KDM5D: variants seen among roughly 807,000 people sequenced by gnomAD.
KDM5D encodes lysine demethylase 5D.
Under a neutral mutation model 31.9 loss-of-function variants are expected in KDM5D, and 25 were observed. The ratio of observed to expected loss-of-function variants is 0.78; its 90% CI spans 0.57 to 1.09. The LOEUF is 1.09. Ranked by LOEUF, KDM5D falls within the 50% of genes least tolerant of loss-of-function variation. The pLI, the probability that KDM5D is intolerant of heterozygous loss-of-function variation, is 0.00. For missense variants in KDM5D, 366 were observed against 341.6 expected (o/e 1.07, Z -0.56); for synonymous variants, 146 against 122.3 (o/e 1.19, Z -1.28).
intron 11 of KDM5D, chrY:19,723,406 G>A (rs2124197658): frequency 2.3e-5 from 2 of 86,157 alleles, no homozygotes; most frequent in Admixed American, 3.3e-4. Context: ...CTTGAGATCA[G>A]CCTGGTCAAC....
At chrY:19,728,781 A>G in intron 11 of KDM5D, among the ~76,000 whole-genome samples, 1 of 33,860 alleles carries the variant, frequency 3.0e-5, no homozygotes, top group Non-Finnish European at 7.3e-5. Flanking sequence ...CAAAAACAGC[A>G]TCCATTTTGT....
chrY:19,738,657 G>C, intron 6 of KDM5D, among the ~76,000 whole-genome samples: 1 of 33,532 alleles, frequency 3.0e-5, no homozygotes, highest in African/African-American at 1.2e-4. Context: ...GTCCTCCCAG[G>C]GTTAGCTACT....
chrY:19,711,169 G>T, intron 18 of KDM5D, among the ~76,000 whole-genome samples: 1 of 33,267 alleles, frequency 3.0e-5, no homozygotes, highest in East Asian at 8.0e-4. Context: ...AAGAGGCCAG[G>T]AAGTTAAATG....
At chrY:19,743,962 T>C (rs2045578332) in intron 2 of KDM5D, among the ~76,000 whole-genome samples, 1 of 33,709 alleles carries the variant, frequency 3.0e-5, no homozygotes, top group Non-Finnish European at 7.3e-5. Context: ...TTATTTGCTA[T>C]ATTTGCTACA....
chrY:19,711,015 GTGA>G (rs2045294506), intron 18 of KDM5D, among the ~76,000 whole-genome samples: 1 of 33,634 alleles, frequency 3.0e-5, no homozygotes, highest in Non-Finnish European at 7.4e-5. Flanking sequence ...GGAGGGCTAA[GTGA>G]TGATAAGTAT....
intron 11 of KDM5D, chrY:19,722,035 A>G (rs2045398650): frequency 3.0e-5 from 1 of 33,674 alleles, no homozygotes; most frequent in African/African-American, 1.2e-4. Flanking sequence ...TTAAATTGAT[A>G]TGGAACCCCA....
At chrY:19,719,149 G>A (rs1234423211) in intron 13 of KDM5D, among the ~76,000 whole-genome samples, 1 of 29,231 alleles carries the variant, frequency 3.4e-5, no homozygotes, top group African/African-American at 1.4e-4. Context: ...CAGCCTGGGC[G>A]ACAGAGCGAG....
chrY:19,739,529 T>A lies in KDM5D; in HGVS notation c.656A>T (p.Asp219Val). The change falls in exon 6 of 27, where the codon GAT (aspartate) becomes GTT (valine). Residue 219 changes from aspartate to valine, a missense_variant and splice_region_variant. Physicochemically the swap from Asp to Val is radical, Grantham distance 152. Coordinates refer to ENST00000317961, the MANE Select transcript of KDM5D (RefSeq NM_004653.5). ...ATAACAGGAGTAACAGTCACTCACA[T>A]CAGGCTGTAGCCTTTTTGCCCGTCG... ...YSRRAKRLQP[D>V]PEPTEEDIEK... 5.1e-6 allele frequency: 2 copies of A among 392,730 alleles called. No homozygotes were observed. The highest frequency in any genetic ancestry group is 7.1e-6 in the Non-Finnish European group (2 of 280,403).
chrY:19,736,769 A>G, intron 6 of KDM5D, among the ~76,000 whole-genome samples: 3 of 32,843 alleles, frequency 9.1e-5, no homozygotes, highest in Non-Finnish European at 1.5e-4. Context: ...CATATAAACC[A>G]AACAATCCCG....
At chrY:19,712,630 G>A (rs745398538) in intron 18 of KDM5D, among the ~76,000 whole-genome samples, 1 of 34,595 alleles carries the variant, frequency 2.9e-5, no homozygotes, top group Non-Finnish European at 7.3e-5. Flanking sequence ...GAAGTGGCAT[G>A]GTTATCTTAA....
intron 11 of KDM5D, among the ~76,000 whole-genome samples, chrY:19,724,960 T>C (rs1048389611): frequency 9.1e-5 from 3 of 32,950 alleles, no homozygotes; most frequent in South Asian, 1.4e-3. Flanking sequence ...CCATTCACTA[T>C]TGCTACAAAG....
chrY:19,739,130 G>A, intron 6 of KDM5D, among the ~76,000 whole-genome samples: 2 of 32,937 alleles, frequency 6.1e-5, no homozygotes, highest in Non-Finnish European at 1.5e-4. Flanking sequence ...TAACTGATTT[G>A]TACAGTGTGC....
intron 11 of KDM5D, among the ~76,000 whole-genome samples, chrY:19,723,086 CCA>C (rs2045406791): frequency 6.0e-5 from 2 of 33,295 alleles, no homozygotes; most frequent in Admixed American, 5.5e-4. Context: ...GCGACAGTAA[CCA>C]AAACAGCATG....
chrY:19,739,070 C>T, intron 6 of KDM5D, among the ~76,000 whole-genome samples: 1 of 33,317 alleles, frequency 3.0e-5, no homozygotes, highest in Non-Finnish European at 7.4e-5. Context: ...TGTGGTCACA[C>T]CTACTGACCA....
rs767104385 is a variant in KDM5D, at chrY:19,706,178, T to G, written c.4437A>C (p.Glu1479Asp). 5.1e-6 allele frequency: 2 copies of G among 395,000 alleles called. No individual in the cohort carries two copies. Among genetic ancestry groups the G allele is most frequent in the South Asian group, 6.1e-5 (2 of 33,006 alleles). Residue 1479 changes from glutamate to aspartate, a missense_variant, in exon 27 of 27, where the codon GAA becomes GAC. Glu to Asp is a conservative substitution (Grantham distance 45). Coordinates refer to ENST00000317961, the MANE Select transcript of KDM5D (RefSeq NM_004653.5). ...SSGIMSQVGR[E>D]EEHYQEKADR... is the part of the protein sequence containing the mutation. Reference sequence around the variant, plus strand: ...CTGCTTTCTCCTGATAATGTTCTTCTTCTCGGCCCACCTGAGACATAATCC... The same window carrying G: ...CTGCTTTCTCCTGATAATGTTCTTCGTCTCGGCCCACCTGAGACATAATCC...
At chrY:19,733,883 G>GA in intron 8 of KDM5D, among the ~76,000 whole-genome samples, 1 of 32,126 alleles carries the variant, frequency 3.1e-5, no homozygotes, top group Non-Finnish European at 7.6e-5. Flanking sequence ...CAGAAAAAAA[G>GA]AAAAAAATTC....
chrY:19,716,483 C>T lies in KDM5D; in HGVS notation c.1837-10G>A. The T allele has an allele frequency of 1.8e-5, 7 of 395,468 alleles. No individual in the cohort carries two copies. The highest frequency in any genetic ancestry group is 2.5e-5 in the Non-Finnish European group (7 of 281,276). ...GGCGTCCAGCAGGTAGCTGCAAGTG[C>T]GTTCAAGATTGTGTGTGGCTATCTG... On this transcript the variant is annotated splice_polypyrimidine_tract_variant and intron_variant, in intron 14 of 26. Coordinates refer to ENST00000317961, the MANE Select transcript of KDM5D (RefSeq NM_004653.5).
intron 11 of KDM5D, among the ~76,000 whole-genome samples, chrY:19,727,623 C>T: frequency 9.2e-5 from 3 of 32,752 alleles, no homozygotes; most frequent in Non-Finnish European, 2.3e-4. Flanking sequence ...AAATATGGAG[C>T]GGGGGTTGTA....
intron 11 of KDM5D, among the ~76,000 whole-genome samples, chrY:19,729,792 T>C (rs2045459652): frequency 3.0e-5 from 1 of 33,652 alleles, no homozygotes; most frequent in Non-Finnish European, 7.4e-5. Context: ...TAGTAATCAA[T>C]GAAATAGTGC....
Sources: gnomAD v4.1 joint callset for allele counts (sites outside exome capture counted in the v4.1 genomes callset) on GRCh38, gnomAD v4.1.1 for gene constraint, MANE v1.5 for transcripts, NCBI Gene and HGNC (gene_info 2026-07-23, HGNC 2026-07-21) for gene names.